THSD7B: variants seen among roughly 807,000 people sequenced by gnomAD.
THSD7B encodes the protein thrombospondin type-1 domain-containing protein 7B.
A neutral mutation model predicts 213.6 loss-of-function variants in THSD7B; 138 were observed. That is an observed-to-expected ratio of 0.65 (90% confidence interval 0.56 to 0.74). The LOEUF is 0.74. THSD7B is among the 30% of genes least tolerant of loss of function. The probability of loss-of-function intolerance (pLI) is 0.00; values close to 1 mark genes in which losing one functional copy is unlikely to be tolerated. For synonymous variants in THSD7B, 742 were observed against 687.0 expected (o/e 1.08, Z -1.25); for missense variants, 1,931 against 1,991.5 (o/e 0.97, Z 0.58).
chr2:137,513,804 T>C (rs1462070939), intron 15 of THSD7B, among the ~76,000 whole-genome samples: 4 of 152,202 alleles, frequency 2.6e-5, no homozygotes, highest in African/African-American at 9.6e-5. Flanking sequence ...GAGGCAGCAG[T>C]GGAAGCTGGG....
At chr2:137,429,502 A>G (rs78463678) in intron 14 of THSD7B, among the ~76,000 whole-genome samples, 9,196 of 152,228 alleles carry the variant, frequency 0.06, 888 homozygotes, top group African/African-American at 0.2. Context: ...TATTGGCACT[A>G]TGAATTTTGA....
At chr2:136,818,264 G>A (rs1305776927) in intron 1 of THSD7B, among the ~76,000 whole-genome samples, 10 of 142,344 alleles carry the variant, frequency 7.0e-5, no homozygotes, top group Non-Finnish European at 1.4e-4. Context: ...GGATGAAATT[G>A]GAAATCATCA....
chr2:137,396,369 G>C (rs1442167577), intron 12 of THSD7B, among the ~76,000 whole-genome samples: 1 of 143,750 alleles, frequency 7.0e-6, no homozygotes, highest in African/African-American at 2.5e-5. Flanking sequence ...TTGTGTCTTT[G>C]TTCTCATTGG....
At chr2:137,010,884 G>T (rs914813742) in intron 2 of THSD7B, among the ~76,000 whole-genome samples, 2 of 152,114 alleles carry the variant, frequency 1.3e-5, no homozygotes, top group South Asian at 2.1e-4. Context: ...AGTGGTAAGT[G>T]ACTAAGTGCT....
intron 9 of THSD7B, among the ~76,000 whole-genome samples, chr2:137,235,481 C>T (rs538307807): frequency 6.6e-6 from 1 of 152,156 alleles, no homozygotes; most frequent in Admixed American, 6.5e-5. Flanking sequence ...GATACCAATT[C>T]CATAAATTAT....
At chr2:137,594,550 T>C (rs1012275901) in intron 17 of THSD7B, among the ~76,000 whole-genome samples, 3 of 152,058 alleles carry the variant, frequency 2.0e-5, no homozygotes. Flanking sequence ...CTTTCTAGAC[T>C]GTCAGTTTTA....
At chr2:136,825,175 A>G (rs994227842) in intron 1 of THSD7B, among the ~76,000 whole-genome samples, 1 of 152,190 alleles carries the variant, frequency 6.6e-6, no homozygotes, top group Non-Finnish European at 1.5e-5. Context: ...AAATTATCCT[A>G]TTTTACAGTT....
At chr2:136,827,131 A>G (rs1382076632) in intron 1 of THSD7B, among the ~76,000 whole-genome samples, 1 of 152,190 alleles carries the variant, frequency 6.6e-6, no homozygotes, top group African/African-American at 2.4e-5. Flanking sequence ...CAAAAAGACA[A>G]TCATGAAAAT....
chr2:136,885,442 T>C (rs1349441246), intron 2 of THSD7B, among the ~76,000 whole-genome samples: 1 of 152,204 alleles, frequency 6.6e-6, no homozygotes, highest in Non-Finnish European at 1.5e-5. Flanking sequence ...CTGTCAAGGC[T>C]GTTAAATGCC....
chr2:137,034,679 C>T (rs1179293213), intron 2 of THSD7B, among the ~76,000 whole-genome samples: 1 of 152,114 alleles, frequency 6.6e-6, no homozygotes, highest in Non-Finnish European at 1.5e-5. Context: ...TGAGTGAGAA[C>T]ATGCCGTGTT....
chr2:136,874,655 G>T (rs1269624678), intron 1 of THSD7B, among the ~76,000 whole-genome samples: 1 of 152,198 alleles, frequency 6.6e-6, no homozygotes, highest in Non-Finnish European at 1.5e-5. Context: ...TGCGTATGAA[G>T]TGTGAGGCAC....
At chr2:137,196,622 C>T (rs1680770810) in intron 7 of THSD7B, among the ~76,000 whole-genome samples, 1 of 151,968 alleles carries the variant, frequency 6.6e-6, no homozygotes, top group African/African-American at 2.4e-5. Flanking sequence ...ACAGATTGTC[C>T]ATGTGGGTGG....
At chr2:137,010,843 A>T (rs1226578265) in intron 2 of THSD7B, among the ~76,000 whole-genome samples, 2 of 152,170 alleles carry the variant, frequency 1.3e-5, no homozygotes, top group African/African-American at 2.4e-5. Context: ...TTAAAATATC[A>T]ATCAATCTCT....
At chr2:137,151,244 G>A (rs902042869) in intron 5 of THSD7B, among the ~76,000 whole-genome samples, 7 of 152,136 alleles carry the variant, frequency 4.6e-5, no homozygotes, top group African/African-American at 1.7e-4. Flanking sequence ...AACAAAAACA[G>A]TTGTTCAACA....
intron 15 of THSD7B, among the ~76,000 whole-genome samples, chr2:137,554,914 G>A (rs750979157): frequency 1.9e-4 from 29 of 152,150 alleles, no homozygotes; most frequent in Non-Finnish European, 3.1e-4. Flanking sequence ...ACCCAGGCTC[G>A]GAGGGTCCCA....
At chr2:137,418,360 A>C (rs1206158750) in intron 14 of THSD7B, among the ~76,000 whole-genome samples, 1 of 152,134 alleles carries the variant, frequency 6.6e-6, no homozygotes. Flanking sequence ...TAAAACCTCA[A>C]ATGGCAACCC....
At chr2:137,125,742 C>A (rs1365095547) in intron 5 of THSD7B, among the ~76,000 whole-genome samples, 1 of 152,078 alleles carries the variant, frequency 6.6e-6, no homozygotes, top group Non-Finnish European at 1.5e-5. Flanking sequence ...TTCCCAGATC[C>A]ATCAGATGAA....
At chr2:137,529,593 A>AAT (rs1181380975) in intron 15 of THSD7B, among the ~76,000 whole-genome samples, 3 of 127,690 alleles carry the variant, frequency 2.3e-5, no homozygotes, top group African/African-American at 9.8e-5. Context: ...TCCTTCTAAG[A>AAT]ATCTTTTTTT....
intron 2 of THSD7B, among the ~76,000 whole-genome samples, chr2:137,013,132 C>A (rs1159642094): frequency 6.6e-6 from 1 of 152,106 alleles, no homozygotes; most frequent in Non-Finnish European, 1.5e-5. Flanking sequence ...ACTTTTAGAA[C>A]AAACACATGC....
Sources: allele counts gnomAD v4.1 joint callset (sites outside exome capture counted in the v4.1 genomes callset), GRCh38; gene constraint gnomAD v4.1.1; transcripts MANE v1.5; gene names NCBI Gene and HGNC (gene_info 2026-07-23, HGNC 2026-07-21).